Variants in RECQL5 observed in about 807,000 individuals in gnomAD.
RECQL5 encodes ATP-dependent DNA helicase Q5.
RECQL5 carries 88 observed loss-of-function variants against 103.4 expected under a neutral mutation model. That is an observed-to-expected ratio of 0.85 (90% CI 0.72 to 1.02). The LOEUF (loss-of-function observed/expected upper bound fraction) is 1.02, where lower values mean the gene tolerates loss of function less well. RECQL5 is among the 50% of genes least tolerant of loss of function. RECQL5 has a pLI of 0.00. For synonymous variants in RECQL5, 552 were observed against 507.9 expected, an observed-to-expected ratio of 1.09 and a Z score of -1.17; for missense variants, 1,232 against 1,284.3, an observed-to-expected ratio of 0.96 and a Z score of 0.62.
intron 5 of RECQL5, 145 bp from the exon 6 acceptor site, chr17:75,661,211 C>T: frequency 1.5e-6 from 1 of 669,372 alleles, no homozygotes; most frequent in Admixed American, 2.4e-5. Context: ...ACATCAGGCG[C>T]TTAACTTTAC....
intron 8 of RECQL5, chr17:75,650,853 G>A: frequency 1.4e-6 from 2 of 1,469,750 alleles, no homozygotes; most frequent in Non-Finnish European, 1.8e-6. Flanking sequence ...CCAGCTCGGT[G>A]GCACATGATG....
intron 8 of RECQL5, 132 bp downstream of exon 8, chr17:75,651,054 A>C (rs2059548812): frequency 6.3e-7 from 1 of 1,578,176 alleles, no homozygotes; most frequent in Non-Finnish European, 8.6e-7. Context: ...ACTGCCCGAC[A>C]CAACAGCCTT....
chr17:75,628,574 A>C (rs563136605), intron 17 of RECQL5, 98 bp downstream of exon 17: 288 of 1,505,760 alleles, frequency 1.9e-4, no homozygotes, highest in African/African-American at 4.9e-4. Context: ...GTGTGGAAAG[A>C]AAGCTGATTT....
chr17:75,657,474 A>G (rs1311809322), intron 7 of RECQL5, among the ~76,000 whole-genome samples: 2 of 152,084 alleles, frequency 1.3e-5, no homozygotes, highest in African/African-American at 2.4e-5. Context: ...TAAGGCCGGG[A>G]GCAGTAGCTC....
intron 6 of RECQL5, among the ~76,000 whole-genome samples, chr17:75,660,249 T>C (rs908797140): frequency 1.3e-5 from 2 of 152,088 alleles, no homozygotes; most frequent in Non-Finnish European, 2.9e-5. Context: ...ATGTATTTTT[T>C]GTAGAGATGG....
intron 8 of RECQL5, among the ~76,000 whole-genome samples, chr17:75,633,124 A>G (rs919796414): frequency 2.0e-5 from 3 of 152,208 alleles, no homozygotes; most frequent in African/African-American, 4.8e-5. Flanking sequence ...CTCTGCTCCA[A>G]TGAGTAAATG....
At chr17:75,659,389 GCT>G (rs1266145247) in intron 6 of RECQL5, among the ~76,000 whole-genome samples, 2 of 152,098 alleles carry the variant, frequency 1.3e-5, no homozygotes, top group Non-Finnish European at 2.9e-5. Flanking sequence ...ACAGGGTCTT[GCT>G]CTGTTGCACA....
chr17:75,627,894 C>T (rs2059128562), intron 18 of RECQL5, among the ~76,000 whole-genome samples: 1 of 152,102 alleles, frequency 6.6e-6, no homozygotes, highest in Non-Finnish European at 1.5e-5. Context: ...TGGCGGGTGC[C>T]TGTAGTCCCA....
intron 8 of RECQL5, among the ~76,000 whole-genome samples, chr17:75,644,145 A>C (rs1208811097): frequency 1.3e-5 from 2 of 152,200 alleles, no homozygotes; most frequent in African/African-American, 4.8e-5. Flanking sequence ...TCTACTAAAA[A>C]TACAAAAAAA....
Position 75,628,383 on chromosome 17 carries a change from T to C in RECQL5, c.2640A>G (p.Val880=), listed in dbSNP as rs1425530424. ...CCGAGACGCTGCCCTTGACCTCAGC[T>C]ACGACGGAGGGCTTGGCTGAGGGGC... ...RPRPSAKPSV[V]AEVKGSVSAS... Residue 880 remains valine (V), a synonymous_variant, in exon 18 of 20, where the codon GTA becomes GTG. Transcript: ENST00000317905. The C allele has an allele frequency of 3.7e-6, 6 of 1,613,874 alleles. No individual in the cohort carries two copies. Among genetic ancestry groups the C allele is most frequent in the Non-Finnish European group, 5.1e-6 (6 of 1,180,040 alleles).
chr17:75,637,172 G>GGTCT (rs2059339494), intron 8 of RECQL5: 1 of 152,278 alleles, frequency 6.6e-6, no homozygotes, highest in Non-Finnish European at 1.5e-5. Context: ...GGTGAGCACA[G>GGTCT]CCCCAGGTCT....
intron 4 of RECQL5, 97 bp from the exon 5 acceptor site, chr17:75,661,805 T>A: frequency 1.2e-6 from 1 of 866,480 alleles, no homozygotes; most frequent in South Asian, 1.5e-5. Flanking sequence ...CTGTGTTCCT[T>A]CTCTCGTCGG....
intron 8 of RECQL5, among the ~76,000 whole-genome samples, chr17:75,645,330 C>T (rs895557122): frequency 6.6e-6 from 1 of 152,184 alleles, no homozygotes. Flanking sequence ...TGAGGTGCAG[C>T]ACAGGTGCTT....
Position 75,665,192 on chromosome 17 carries a change from C to A in RECQL5, c.131-20G>T. 1 of 1,602,228 alleles carries A rather than the reference C, an allele frequency of 6.2e-7. No individual in the cohort carries two copies. Reference sequence around the variant, plus strand: ...TGTTACCTGAAAAAATACAAGACAACAATATCTCAGTGCTTCCTGCCTTTT... The same window carrying A: ...TGTTACCTGAAAAAATACAAGACAAAAATATCTCAGTGCTTCCTGCCTTTT... On this transcript the variant is annotated intron_variant, in intron 2 of 19. Coordinates refer to ENST00000317905, the MANE Select transcript of RECQL5 (RefSeq NM_004259.7).
intron 4 of RECQL5, 45 bp downstream of exon 4, chr17:75,662,434 C>T (rs1599059797): frequency 6.3e-7 from 1 of 1,582,826 alleles, no homozygotes; most frequent in Non-Finnish European, 8.6e-7. Flanking sequence ...TCACATCGCA[C>T]CCCACTGCTC....
Position 75,640,046 on chromosome 17 carries a change from T to C in RECQL5, c.1230-8378A>G, listed in dbSNP as rs895653262. 3.7e-6 allele frequency: 4 copies of C among 1,067,958 alleles called. No individual in the cohort carries two copies. Among genetic ancestry groups the C allele is most frequent in the Non-Finnish European group, 3.9e-6 (3 of 773,278 alleles). 66.2% of individuals were successfully genotyped at this position (1,067,958 alleles called of 1,614,324 possible). A position where few individuals can be genotyped will look rare whatever the true frequency, so the allele number is the denominator to read the frequency against. Reference sequence around the variant, plus strand: ...TAGGTGGAAGTCACCAGGGGTGCAATGTGTGAGACCTGACAAACTTGTTCT... The same window carrying C: ...TAGGTGGAAGTCACCAGGGGTGCAACGTGTGAGACCTGACAAACTTGTTCT... On this transcript the variant is annotated intron_variant, in intron 8 of 19. Coordinates refer to ENST00000317905, the MANE Select transcript of RECQL5 (RefSeq NM_004259.7). The surrounding 1 kb of genome is among the most constrained non-coding windows in gnomAD (Gnocchi z 4.6).
intron 8 of RECQL5, 118 bp from the exon 9 acceptor site, chr17:75,631,786 G>A (rs911074001): frequency 7.8e-6 from 8 of 1,022,628 alleles, no homozygotes; most frequent in Non-Finnish European, 1.1e-5. Context: ...CATGCCGGGA[G>A]CCCCACACCC....
intron 7 of RECQL5, among the ~76,000 whole-genome samples, chr17:75,654,474 G>A (rs1298923268): frequency 6.6e-6 from 1 of 152,108 alleles, no homozygotes; most frequent in South Asian, 2.1e-4. Flanking sequence ...TGCTTTCTAG[G>A]TTTACTGCCT....
At chr17:75,660,893 A>G (rs2059690149) in intron 6 of RECQL5, 62 bp downstream of exon 6, 1 of 1,231,916 alleles carries the variant, frequency 8.1e-7, no homozygotes. Flanking sequence ...TGGGCACAGC[A>G]CTAGGCAATC....
Sources: allele counts gnomAD v4.1 joint callset (sites outside exome capture counted in the v4.1 genomes callset), GRCh38; gene constraint gnomAD v4.1.1; non-coding constraint Gnocchi (gnomAD v3.1); transcripts MANE v1.5; gene names NCBI Gene and HGNC (gene_info 2026-07-23, HGNC 2026-07-21).